Variants in SYN3 observed in about 807,000 individuals in gnomAD.
SYN3 encodes synapsin-3.
In SYN3, 35 loss-of-function variants were observed where a neutral mutation model predicts 65.8. That is an observed-to-expected ratio of 0.53 (90% CI 0.41 to 0.70). SYN3 has a LOEUF of 0.70. Ranked by LOEUF, SYN3 falls within the 30% of genes least tolerant of loss-of-function variation. The pLI, the probability that SYN3 is intolerant of heterozygous loss-of-function variation, is 0.00. For missense variants in SYN3, 680 were observed against 749.0 expected, an observed-to-expected ratio of 0.91 and a Z score of 1.08; for synonymous variants, 270 against 292.9, an observed-to-expected ratio of 0.92 and a Z score of 0.80.
intron 3 of SYN3, among the ~76,000 whole-genome samples, chr22:32,937,721 A>C (rs1423540936): frequency 6.6e-6 from 1 of 152,168 alleles, no homozygotes; most frequent in African/African-American, 2.4e-5. Context: ...ACAATTCAAC[A>C]TGAGATTTAG....
In SYN3 at chr22:32,857,333, G is replaced by A. The variant is rs201819465; in HGVS notation, c.711+7582C>T. The stretch of plus-strand genomic sequence containing the variant: ...GAGTCTCTGTGGCCTTAAGCTGGAG[G>A]TCAACAAGTACCAGTACCTGCTGAC... On this transcript the variant is annotated intron_variant, in intron 6 of 13. Transcript: ENST00000358763. 338 of 1,613,940 alleles carry A rather than the reference G, an allele frequency of 2.1e-4. No individual in the cohort carries two copies. The highest frequency in any genetic ancestry group is 4.9e-4 in the Middle Eastern group (3 of 6,068).
chr22:32,901,482 T>A (rs1363058215), intron 4 of SYN3, among the ~76,000 whole-genome samples: 1 of 152,204 alleles, frequency 6.6e-6, no homozygotes, highest in African/African-American at 2.4e-5. Flanking sequence ...CAATTCCTTA[T>A]CTTGGTGAAC....
intron 6 of SYN3, among the ~76,000 whole-genome samples, chr22:32,656,403 G>A (rs887384950): frequency 2.0e-5 from 3 of 152,182 alleles, no homozygotes; most frequent in East Asian, 1.9e-4. Flanking sequence ...TGCTTGGTTC[G>A]TGGTAAATCT....
At chr22:33,020,979 C>T (rs780120258) in intron 1 of SYN3, among the ~76,000 whole-genome samples, 17 of 152,326 alleles carry the variant, frequency 1.1e-4, no homozygotes, top group Non-Finnish European at 2.4e-4. Context: ...TGCCAAGTAT[C>T]TAAAACAGTG....
chr22:32,603,554 A>G (rs1784957036), intron 6 of SYN3, among the ~76,000 whole-genome samples: 1 of 148,962 alleles, frequency 6.7e-6, no homozygotes, highest in African/African-American at 2.5e-5. Context: ...AAAAAAAAGA[A>G]AGAAAGAAAA....
At chr22:32,665,180 T>C (rs2060273839) in intron 6 of SYN3, among the ~76,000 whole-genome samples, 1 of 151,870 alleles carries the variant, frequency 6.6e-6, no homozygotes, top group Admixed American at 6.6e-5. Context: ...GTATTTTTAA[T>C]AGAGACAGGG....
intron 6 of SYN3, among the ~76,000 whole-genome samples, chr22:32,768,840 G>A (rs145076123): frequency 2.0e-5 from 3 of 152,174 alleles, no homozygotes; most frequent in African/African-American, 4.8e-5. Context: ...TCTCAGTGAC[G>A]ATGATTTTGT....
chr22:32,554,722 G>C (rs1162745434), intron 7 of SYN3, among the ~76,000 whole-genome samples: 2 of 152,140 alleles, frequency 1.3e-5, no homozygotes, highest in Non-Finnish European at 2.9e-5. Context: ...TTAGGAATAA[G>C]ACCCCCTTCC....
At chr22:32,814,233 AAAAGAAAGAAAGAAGG>A (rs1569245126) in intron 6 of SYN3, among the ~76,000 whole-genome samples, 4 of 138,806 alleles carry the variant, frequency 2.9e-5, no homozygotes, top group African/African-American at 5.6e-5. Flanking sequence ...GAAAGAAAAA[AAAAGAAAGAAAGAAGG>A]AAAGAAAGAA....
chr22:32,624,494 G>A (rs2059638381), intron 6 of SYN3, among the ~76,000 whole-genome samples: 1 of 152,194 alleles, frequency 6.6e-6, no homozygotes, highest in African/African-American at 2.4e-5. Flanking sequence ...TGCCACCTTA[G>A]CTGTACTGGC....
At chr22:32,516,185 A>T (rs770633558) in intron 13 of SYN3, among the ~76,000 whole-genome samples, 33 of 150,220 alleles carry the variant, frequency 2.2e-4, no homozygotes, top group Non-Finnish European at 4.6e-4. Flanking sequence ...GAGGGCGAGG[A>T]TCTGAACAAT....
At chr22:32,734,693 T>A (rs1269398558) in intron 6 of SYN3, among the ~76,000 whole-genome samples, 1 of 152,220 alleles carries the variant, frequency 6.6e-6, no homozygotes, top group East Asian at 1.9e-4. Context: ...CAGTGTTTGC[T>A]GATTCTAGGA....
chr22:32,888,022 C>T (rs531709788), intron 4 of SYN3, among the ~76,000 whole-genome samples: 2 of 152,196 alleles, frequency 1.3e-5, no homozygotes, highest in African/African-American at 4.8e-5. Context: ...TACTGTCAGT[C>T]TTTTTAATTC....
chr22:32,564,600 G>C (rs985132116), intron 7 of SYN3, among the ~76,000 whole-genome samples: 2 of 151,470 alleles, frequency 1.3e-5, no homozygotes, highest in South Asian at 4.2e-4. Context: ...AGTGCTCCCG[G>C]ACTACACCCA....
chr22:32,596,213 T>A (rs1161513490), intron 7 of SYN3, among the ~76,000 whole-genome samples: 4 of 152,160 alleles, frequency 2.6e-5, no homozygotes, highest in Non-Finnish European at 5.9e-5. Flanking sequence ...ATGCTTCCCA[T>A]ACAGCCTGTG....
At chr22:32,762,375 T>C (rs129303) in intron 6 of SYN3, among the ~76,000 whole-genome samples, 142,580 of 152,320 alleles carry the variant, frequency 0.94, 66,845 homozygotes, top group African/African-American at 0.97. Context: ...TCCATACGTC[T>C]TTCCCCTAAT....
chr22:32,677,827 T>TA (rs130751), intron 6 of SYN3, among the ~76,000 whole-genome samples: 3 of 150,944 alleles, frequency 2.0e-5, no homozygotes, highest in Admixed American at 6.6e-5. Flanking sequence ...CATAATAAAA[T>TA]AAAAAAAGAC....
At chr22:32,736,972 C>T (rs1487100058) in intron 6 of SYN3, among the ~76,000 whole-genome samples, 3 of 152,092 alleles carry the variant, frequency 2.0e-5, no homozygotes, top group African/African-American at 7.2e-5. Flanking sequence ...AGCAGACAGA[C>T]CTCTCTGAAC....
chr22:32,973,332 T>C (rs1372110531), intron 3 of SYN3, among the ~76,000 whole-genome samples: 1 of 152,194 alleles, frequency 6.6e-6, no homozygotes, highest in African/African-American at 2.4e-5. Flanking sequence ...ACTAGATTGG[T>C]GCGGGCAGAG....
Sources: gnomAD v4.1 joint callset for allele counts (sites outside exome capture counted in the v4.1 genomes callset) on GRCh38, gnomAD v4.1.1 for gene constraint, MANE v1.5 for transcripts, NCBI Gene and HGNC (gene_info 2026-07-23, HGNC 2026-07-21) for gene names.